DLAT: variants seen among roughly 807,000 people sequenced by gnomAD.
DLAT encodes the protein dihydrolipoamide S-acetyltransferase.
In DLAT, 43 loss-of-function variants were observed where a neutral mutation model predicts 68.0. That is an observed-to-expected ratio of 0.63 (90% confidence interval 0.50 to 0.81). The LOEUF is 0.81. Among genes scored for constraint, DLAT ranks in the 40% least tolerant of loss-of-function variants. The pLI is 0.00. For missense variants in DLAT, 745 were observed against 815.4 expected, an observed-to-expected ratio of 0.91 and a Z score of 1.05; for synonymous variants, 265 against 288.6, an observed-to-expected ratio of 0.92 and a Z score of 0.83.
At position 112,063,751 on chromosome 11, in the gene DLAT, CTT is replaced by C. The variant is rs1864784379; in HGVS notation, c.*1218_*1219del. ...TTTTTTCTATTTTGTTAGATTTTGC[CTT>C]TCTTTTGGAAGGAAGGAGGCGATAT... On this transcript the variant is annotated 3_prime_UTR_variant, in exon 14 of 14. Coordinates refer to ENST00000280346, the MANE Select transcript of DLAT (RefSeq NM_001931.5). 6.6e-6 allele frequency: 1 copy of C among 151,010 alleles called. No homozygotes were observed. Among genetic ancestry groups the C allele is most frequent in the Admixed American group, 6.6e-5 (1 of 15,238 alleles). 9.4% of individuals were successfully genotyped at this position (151,010 alleles called of 1,614,324 possible).
Position 112,039,302 on chromosome 11 carries a change from C to G in DLAT, c.1034C>G (p.Pro345Arg). ...PLAPTPSAPC[P>R]ATPAGPKGRV... ...GCTCCTACACCTTCAGCACCCTGCC[C>G]AGCTACTCCTGCTGGACCAAAGGGA... Residue 345 changes from proline to arginine, a missense_variant, in exon 7 of 14, where the codon CCA becomes CGA. Physicochemically the swap from Pro to Arg is moderately radical, Grantham distance 103. Transcript: ENST00000280346. 6.2e-7 allele frequency: 1 copy of G among 1,614,142 alleles called. No individual in the cohort carries two copies.
intron 11 of DLAT, among the ~76,000 whole-genome samples, chr11:112,057,467 A>G (rs1864167684): frequency 6.6e-6 from 1 of 152,268 alleles, no homozygotes; most frequent in South Asian, 2.1e-4. Flanking sequence ...TCTTGAAAGA[A>G]ATGAAAAGTA....
chr11:112,034,488 G>C (rs1158105857), intron 5 of DLAT, among the ~76,000 whole-genome samples: 2 of 151,278 alleles, frequency 1.3e-5, no homozygotes, highest in Non-Finnish European at 2.9e-5. Context: ...TGTTGCCCAG[G>C]CTGGAGTGCA....
chr11:112,058,770 A>G (rs1178214301), intron 11 of DLAT, among the ~76,000 whole-genome samples: 3 of 152,038 alleles, frequency 2.0e-5, no homozygotes, highest in Admixed American at 1.3e-4. Flanking sequence ...TTGTAGTTGT[A>G]TATATCTCAA....
At chr11:112,049,067 C>T (rs1863478080) in intron 10 of DLAT, among the ~76,000 whole-genome samples, 2 of 149,862 alleles carry the variant, frequency 1.3e-5, no homozygotes, top group African/African-American at 4.9e-5. Context: ...GCCAGCTCTG[C>T]CTCCCGGGTT....
At chr11:112,060,862 G>A (rs1253903761) in intron 12 of DLAT, among the ~76,000 whole-genome samples, 176 bp from the exon 13 acceptor site, 2 of 152,028 alleles carry the variant, frequency 1.3e-5, no homozygotes, top group Admixed American at 6.6e-5. Flanking sequence ...GACATTTTCC[G>A]GCTGACATTT....
rs1440248727 is a variant in DLAT, at chr11:112,063,166, TC to T, written c.*637del. 6.6e-6 allele frequency: 1 copy of T among 152,430 alleles called. No homozygotes were observed. Among genetic ancestry groups the T allele is most frequent in the Non-Finnish European group, 1.5e-5 (1 of 68,266 alleles). The allele number at this position is 152,430 out of a possible 1,614,324, so 9.4% of individuals were successfully genotyped here. On this transcript the variant is annotated 3_prime_UTR_variant, in exon 14 of 14. Transcript: ENST00000280346. ...TCTATGAATTCCTACACATGGTTAT[TC>T]CCCCCTACTTGAGATAATCTAAATA...
At chr11:112,032,311 T>C (rs1555180021) in intron 4 of DLAT, among the ~76,000 whole-genome samples, 1 of 151,478 alleles carries the variant, frequency 6.6e-6, no homozygotes, top group Non-Finnish European at 1.5e-5. Context: ...AAGAATTCTG[T>C]GTACATATAT....
At chr11:112,033,367 C>T in intron 4 of DLAT, 37 bp from the exon 5 acceptor site, 2 of 1,608,660 alleles carry the variant, frequency 1.2e-6, no homozygotes, top group South Asian at 2.2e-5. Context: ...TAGAAGTCTT[C>T]CTGGTATTAA....
intron 5 of DLAT, among the ~76,000 whole-genome samples, chr11:112,036,205 T>G (rs1385800520): frequency 2.2e-3 from 82 of 36,750 alleles, no homozygotes; most frequent in African/African-American, 7.6e-3. Context: ...GTGTGTGTTT[T>G]TTTTTTTTTT....
intron 10 of DLAT, among the ~76,000 whole-genome samples, chr11:112,047,160 A>G (rs1268297310): frequency 6.6e-6 from 1 of 152,172 alleles, no homozygotes; most frequent in Middle Eastern, 3.2e-3. Flanking sequence ...TCGCCATTGT[A>G]ACTGGCGTGA....
rs782579212 is a variant in DLAT, at chr11:112,061,128, A to G, written c.1768A>G (p.Ile590Val). Residue 590 changes from isoleucine (I) to valine (V), a missense_variant, in exon 13 of 14, where the codon ATT becomes GTT. By Grantham distance (29) the Ile-to-Val change is conservative. Transcript: ENST00000280346. ...CCCACCTCAAGCATGTATTTTGGCA[A>G]TTGGTGCTTCAGAGGATAAACTGGT... The part of the protein sequence containing the change: ...INPPQACILA[I>V]GASEDKLVPA... 5 of 1,614,148 alleles carry G rather than the reference A, an allele frequency of 3.1e-6. No individual in the cohort carries two copies. The South Asian group carries it at 4.4e-5, about 14-fold the overall frequency.
chr11:112,064,017 C>A lies in DLAT; in HGVS notation c.*1482C>A. 1 of 645,526 alleles carries A rather than the reference C, an allele frequency of 1.5e-6. No homozygotes were observed. Among genetic ancestry groups the A allele is most frequent in the South Asian group, 2.3e-5 (1 of 42,838 alleles). The allele number at this position is 645,526 out of a possible 1,614,324, so 40.0% of individuals were successfully genotyped here. A position where few individuals can be genotyped will look rare whatever the true frequency, so the allele number is the denominator to read the frequency against. On this transcript the variant is annotated 3_prime_UTR_variant, in exon 14 of 14. Transcript: ENST00000280346. Reference sequence around the variant, plus strand: ...TACACAAGTGACACTCCATATATTCCACACAGACTTTTACCTTGCTGTATT... The same window carrying A: ...TACACAAGTGACACTCCATATATTCAACACAGACTTTTACCTTGCTGTATT...
At chr11:112,027,915 GGGAGAGGGAGAGGGAGAC>G (rs1555179562) in intron 2 of DLAT, among the ~76,000 whole-genome samples, 2 of 133,888 alleles carry the variant, frequency 1.5e-5, no homozygotes, top group South Asian at 2.4e-4. Context: ...GGAGACCGTG[GGGAGAGGGAGAGGGAGAC>G]GGAGAGGGAG....
At chr11:112,047,850 C>A (rs995520859) in intron 10 of DLAT, among the ~76,000 whole-genome samples, 1 of 152,142 alleles carries the variant, frequency 6.6e-6, no homozygotes, top group Non-Finnish European at 1.5e-5. Flanking sequence ...CAGTACCATG[C>A]TGTTTTGGTT....
In DLAT at chr11:112,045,237, G is replaced by A. The variant is rs782402084; in HGVS notation, c.1290+7G>A. ...AATCAGCAACATTCGTCGGGTAAGAGAATTACCATCATCTGGAATCAGCTG... is the reference window on the plus strand; with the variant it reads ...AATCAGCAACATTCGTCGGGTAAGAAAATTACCATCATCTGGAATCAGCTG... On this transcript the variant is annotated splice_region_variant and intron_variant, in intron 9 of 13. Coordinates refer to ENST00000280346, the MANE Select transcript of DLAT (RefSeq NM_001931.5). 1 of 1,607,356 alleles carries A rather than the reference G, an allele frequency of 6.2e-7. No individual in the cohort carries two copies. The highest frequency in any genetic ancestry group is 1.1e-5 in the South Asian group (1 of 90,860).
chr11:112,064,225 G>A lies in DLAT; in HGVS notation c.*1690G>A. Reference sequence around the variant, plus strand: ...ATGCTTGTGGTTCTGTTGTTCCCTTGAAAAAAAATAAAAACAGTTGCCTTC... The same window carrying A: ...ATGCTTGTGGTTCTGTTGTTCCCTTAAAAAAAAATAAAAACAGTTGCCTTC... On this transcript the variant is annotated 3_prime_UTR_variant, in exon 14 of 14. Coordinates refer to ENST00000280346, the MANE Select transcript of DLAT (RefSeq NM_001931.5). 2 of 1,551,294 alleles carry A rather than the reference G, an allele frequency of 1.3e-6. No homozygotes were observed. Among genetic ancestry groups the A allele is most frequent in the East Asian group, 2.3e-5 (1 of 43,224 alleles).
In DLAT at chr11:112,025,558, C is replaced by A. The variant is rs782230511; in HGVS notation, c.86C>A (p.Pro29His). The A allele has an allele frequency of 6.2e-7, 1 of 1,613,968 alleles. No individual in the cohort carries two copies. Among genetic ancestry groups the A allele is most frequent in the African/African-American group, 1.3e-5 (1 of 75,040 alleles). Residue 29 changes from proline (P) to histidine (H), a missense_variant, in exon 1 of 14, where the codon CCC (proline) becomes CAC (histidine). By Grantham distance (77) the Pro-to-His change is moderately conservative (BLOSUM62 -2). Transcript: ENST00000280346. Reference protein sequence around the residue: ...EARWTALQEVPGTPRVTSRSG... With the variant: ...EARWTALQEVHGTPRVTSRSG... ...CGGTGGACGGCCTTGCAGGAGGTAC[C>A]CGGAACTCCACGAGTGACCTCGCGA...
chr11:112,062,033 G>A (rs74369020), intron 13 of DLAT, among the ~76,000 whole-genome samples: 2,967 of 152,310 alleles, frequency 0.019, 47 homozygotes, highest in South Asian at 0.032. Context: ...TTTATTCTAG[G>A]TGAGGAGTCA....
Sources: gnomAD v4.1 joint callset for allele counts (sites outside exome capture counted in the v4.1 genomes callset) on GRCh38, gnomAD v4.1.1 for gene constraint, MANE v1.5 for transcripts, NCBI Gene and HGNC (gene_info 2026-07-23, HGNC 2026-07-21) for gene names.